The following TRMT9B variants were observed in gnomAD, a reference collection of about 807,000 sequenced individuals.
The protein encoded by TRMT9B is probable tRNA methyltransferase 9B.
In TRMT9B, 16 loss-of-function variants were observed where a neutral mutation model predicts 11.5. The observed-to-expected ratio is 1.39, with a 90% CI of 0.94 to 2.11. TRMT9B has a LOEUF of 2.11. Ranked by LOEUF, TRMT9B falls within the 30% of genes most tolerant of loss-of-function variation. TRMT9B has a pLI of 0.00. For synonymous variants in TRMT9B, 274 were observed against 192.4 expected (o/e 1.42, Z -3.51); for missense variants, 941 against 553.8 (o/e 1.70, Z -7.02).
At chr8:12,952,552 G>A (rs992924061) in intron 1 of TRMT9B, 3 of 244,844 alleles carry the variant, frequency 1.2e-5, no homozygotes, top group Admixed American at 1.3e-4. Context: ...GGTTAAAGTG[G>A]ATTCGTATTT....
chr8:13,012,753 C>T lies in TRMT9B; in HGVS notation c.224C>T (p.Pro75Leu), dbSNP rs1299942771. The T allele has an allele frequency of 1.9e-6, 3 of 1,613,864 alleles. No homozygotes were observed. The highest frequency in any genetic ancestry group is 2.2e-5 in the South Asian group (2 of 91,080). Residue 75 changes from proline to leucine, a missense_variant, in exon 4 of 5, where the codon CCA becomes CTA. Pro to Leu is a moderately conservative substitution (Grantham distance 98). Coordinates refer to ENST00000524591, the MANE Select transcript of TRMT9B (RefSeq NM_020844.3). The stretch of plus-strand genomic sequence containing the variant: ...ACCGTGGGCTGTGACTACTGTGGGC[C>T]ACTGGTAGAGATTGCCCGGAATAGA... The part of the protein sequence containing the change: ...VHTVGCDYCG[P>L]LVEIARNRGC...
chr8:13,029,107 A>G lies in TRMT9B; in HGVS notation c.*7063A>G, dbSNP rs894569171. 2 of 167,028 alleles carry G rather than the reference A, an allele frequency of 1.2e-5. No individual in the cohort carries two copies. Among genetic ancestry groups the G allele is most frequent in the Non-Finnish European group, 1.5e-5 (1 of 68,124 alleles). 10.3% of individuals were successfully genotyped at this position (167,028 alleles called of 1,614,324 possible). On this transcript the variant is annotated 3_prime_UTR_variant, in exon 5 of 5. Coordinates refer to ENST00000524591, the MANE Select transcript of TRMT9B (RefSeq NM_020844.3). ...GTTTGCTGTCATTAGTGACCAAGAA[A>G]AAGTAGTTCTTTTGTGCACGCGTGA...
At position 13,025,599 on chromosome 8, in the gene TRMT9B, GA is replaced by G. The variant is rs1349420163; in HGVS notation, c.*3558del. On this transcript the variant is annotated 3_prime_UTR_variant, in exon 5 of 5. Coordinates refer to ENST00000524591, the MANE Select transcript of TRMT9B (RefSeq NM_020844.3). ...CACAGAATCTTCAAAGGATTTGGGG[GA>G]AAGCGCATTAACATGGACAAAGGAT... 6.0e-6 allele frequency: 1 copy of G among 167,064 alleles called. No homozygotes were observed. Among genetic ancestry groups the G allele is most frequent in the African/African-American group, 2.4e-5 (1 of 41,456 alleles). 10.3% of individuals were successfully genotyped at this position (167,064 alleles called of 1,614,324 possible). A position where few individuals can be genotyped will look rare whatever the true frequency, so the allele number is the denominator to read the frequency against.
At chr8:13,012,652 G>T (rs778338690) in intron 3 of TRMT9B, 32 bp from the exon 4 acceptor site, 1 of 1,581,482 alleles carries the variant, frequency 6.3e-7, no homozygotes, top group East Asian at 2.3e-5. Context: ...TTCCATTGAG[G>T]ATAGCATGTA....
chr8:12,968,086 T>C lies in TRMT9B; in HGVS notation c.-200+22120T>C, dbSNP rs1275061716. Reference sequence around the variant, plus strand: ...TTTTAGTAAAGATGGGATTTCACCATGTTGTCCAGGCTGGTCTCAAACTCC... The same window carrying C: ...TTTTAGTAAAGATGGGATTTCACCACGTTGTCCAGGCTGGTCTCAAACTCC... On this transcript the variant is annotated intron_variant, in intron 1 of 4. Coordinates refer to ENST00000524591, the MANE Select transcript of TRMT9B (RefSeq NM_020844.3). 2.0e-5 allele frequency among the ~76,000 whole-genome samples: 3 copies of C among 152,208 alleles called. No individual in the cohort carries two copies. The East Asian group carries it at 5.8e-4, about 29-fold the overall frequency.
chr8:12,991,360 G>A (rs1226495320), intron 2 of TRMT9B, among the ~76,000 whole-genome samples: 1 of 152,186 alleles, frequency 6.6e-6, no homozygotes, highest in East Asian at 1.9e-4. Context: ...GATGTTAAGT[G>A]TGAAGTTGCA....
In TRMT9B at chr8:13,021,145, G is replaced by C. The variant is rs1414766630; in HGVS notation, c.466G>C (p.Val156Leu). The C allele has an allele frequency of 1.2e-6, 2 of 1,613,894 alleles. No individual in the cohort carries two copies. Among genetic ancestry groups the C allele is most frequent in the Non-Finnish European group, 1.7e-6 (2 of 1,179,804 alleles). Residue 156 changes from valine to leucine, a missense_variant, in exon 5 of 5, where the codon GTG becomes CTG. Physicochemically the swap from Val to Leu is conservative, Grantham distance 32. Coordinates refer to ENST00000524591, the MANE Select transcript of TRMT9B (RefSeq NM_020844.3). ...QKNRHFEKQDVLVPWNRALCS... is the reference protein window; with the variant it reads ...QKNRHFEKQDLLVPWNRALCS... ...GAACCGTCACTTTGAGAAGCAAGAC[G>C]TGCTTGTTCCATGGAACAGGGCTCT...
intron 1 of TRMT9B, among the ~76,000 whole-genome samples, chr8:12,967,944 G>A (rs1447205458): frequency 4.6e-5 from 7 of 152,214 alleles, no homozygotes. Context: ...TGCCCAGGCT[G>A]GAGTGCAGTG....
At chr8:12,959,369 A>G (rs1383856511) in intron 1 of TRMT9B, among the ~76,000 whole-genome samples, 1 of 152,236 alleles carries the variant, frequency 6.6e-6, no homozygotes, top group Non-Finnish European at 1.5e-5. Flanking sequence ...AAAAGATTGT[A>G]TAAAATTACC....
In TRMT9B at chr8:13,021,320, G is replaced by T. The variant is rs920259556; in HGVS notation, c.641G>T (p.Ser214Ile). 1 of 1,614,060 alleles carries T rather than the reference G, an allele frequency of 6.2e-7. No homozygotes were observed. Among genetic ancestry groups the T allele is most frequent in the East Asian group, 2.2e-5 (1 of 44,884 alleles). The change falls in exon 5 of 5, where the codon AGC becomes ATC. Residue 214 changes from serine (S) to isoleucine (I), a missense_variant. Ser to Ile is a moderately radical substitution (Grantham distance 142, BLOSUM62 -2). Transcript: ENST00000524591. ...CAGTGTGGTTCAAAACGGTCCCACA[G>T]CGTGGGCTATGAACCTGCTATGGCA... ...KEQCGSKRSH[S>I]VGYEPAMART...
chr8:13,025,997 G>A lies in TRMT9B; in HGVS notation c.*3953G>A, dbSNP rs982341525. The A allele has an allele frequency of 1.2e-5, 2 of 166,916 alleles. No individual in the cohort carries two copies. The highest frequency in any genetic ancestry group is 1.9e-4 in the East Asian group (1 of 5,194). The allele number at this position is 166,916 out of a possible 1,614,324, so 10.3% of individuals were successfully genotyped here. On this transcript the variant is annotated 3_prime_UTR_variant, in exon 5 of 5. Coordinates refer to ENST00000524591, the MANE Select transcript of TRMT9B (RefSeq NM_020844.3). ...TAATGGCCAAAAAAAAAGCACTGGT[G>A]GATTTTAAATTAAATTAATACATAT...
chr8:12,965,930 T>C (rs2128865578), intron 1 of TRMT9B, among the ~76,000 whole-genome samples: 1 of 151,460 alleles, frequency 6.6e-6, no homozygotes, highest in East Asian at 2.0e-4. Flanking sequence ...GGAGAACCAC[T>C]TGAACCTGGG....
At chr8:12,983,380 A>G (rs1411032086) in intron 1 of TRMT9B, among the ~76,000 whole-genome samples, 4 of 152,080 alleles carry the variant, frequency 2.6e-5, no homozygotes, top group Non-Finnish European at 5.9e-5. Context: ...TTTAAAAGCC[A>G]TCTAGCAGGC....
rs769191574 is a variant in TRMT9B, at chr8:13,022,065, C to A, written c.*21C>A. On this transcript the variant is annotated 3_prime_UTR_variant, in exon 5 of 5. Transcript: ENST00000524591. Reference sequence around the variant, plus strand: ...ATTGATTGGATCCTTTTAGACAACTCCTCCAAAAGATGAACCACATTCTTT... The same window carrying A: ...ATTGATTGGATCCTTTTAGACAACTACTCCAAAAGATGAACCACATTCTTT... The A allele has an allele frequency of 4.7e-6, 7 of 1,488,660 alleles. No homozygotes were observed. In the African/African-American group the frequency reaches 8.4e-5, roughly 18 times the overall value. 92.2% of individuals were successfully genotyped at this position (1,488,660 alleles called of 1,614,324 possible).
At chr8:13,004,107 A>G (rs1408319393) in intron 2 of TRMT9B, among the ~76,000 whole-genome samples, 1 of 152,014 alleles carries the variant, frequency 6.6e-6, no homozygotes, top group Non-Finnish European at 1.5e-5. Flanking sequence ...CAGAGGGAGC[A>G]TTTAAACCAG....
chr8:12,967,132 A>G (rs1384899747), intron 1 of TRMT9B, among the ~76,000 whole-genome samples: 1 of 152,192 alleles, frequency 6.6e-6, no homozygotes, highest in South Asian at 2.1e-4. Context: ...TCCAAACAAG[A>G]CATATCTTTA....
intron 2 of TRMT9B, among the ~76,000 whole-genome samples, chr8:13,002,376 C>T (rs996308082): frequency 6.6e-6 from 1 of 152,174 alleles, no homozygotes; most frequent in Admixed American, 6.5e-5. Flanking sequence ...CTAAAATCTA[C>T]TGAGATTTTG....
chr8:12,952,413 T>C (rs1800749486), intron 1 of TRMT9B: 1 of 310,996 alleles, frequency 3.2e-6, no homozygotes, highest in African/African-American at 2.2e-5. Flanking sequence ...CTGTTTACCT[T>C]GCAAACAGCC....
Position 13,006,361 on chromosome 8 carries a change from C to A in TRMT9B, c.154+5C>A, listed in dbSNP as rs1024924572. On this transcript the variant is annotated splice_donor_5th_base_variant and intron_variant, in intron 3 of 4. Coordinates refer to ENST00000524591, the MANE Select transcript of TRMT9B (RefSeq NM_020844.3). ...GCAGCCTCATCGCTGACATAGGTAA[C>A]CAGGCAGCCTCATCGCTGACATAGG... is the stretch of plus-strand genomic sequence containing the variant. The A allele has an allele frequency of 1.2e-6, 2 of 1,609,134 alleles. No individual in the cohort carries two copies. The highest frequency in any genetic ancestry group is 2.7e-5 in the African/African-American group (2 of 74,590).
Sources: allele counts gnomAD v4.1 joint callset (sites outside exome capture counted in the v4.1 genomes callset), GRCh38; gene constraint gnomAD v4.1.1; transcripts MANE v1.5; gene names NCBI Gene and HGNC (gene_info 2026-07-23, HGNC 2026-07-21).